The following PCCA variants were observed in gnomAD, a reference collection of about 807,000 sequenced individuals.
PCCA encodes propionyl-CoA carboxylase alpha chain, mitochondrial.
A neutral mutation model predicts 101.3 loss-of-function variants in PCCA; 74 were observed. The observed-to-expected ratio is 0.73, with a 90% CI of 0.61 to 0.89. The LOEUF is 0.89. Among genes scored for constraint, PCCA ranks in the 40% least tolerant of loss-of-function variants. The pLI is 0.00. For synonymous variants in PCCA, 294 were observed against 313.6 expected, an observed-to-expected ratio of 0.94 and a Z score of 0.66; for missense variants, 891 against 907.0, an observed-to-expected ratio of 0.98 and a Z score of 0.23.
intron 20 of PCCA, among the ~76,000 whole-genome samples, chr13:100,435,930 C>T (rs1356562467): frequency 6.6e-6 from 1 of 152,026 alleles, no homozygotes; most frequent in Non-Finnish European, 1.5e-5. Flanking sequence ...GTAATCCCAT[C>T]TACTTGGGAG....
chr13:100,487,640 C>T (rs552581804), intron 21 of PCCA, among the ~76,000 whole-genome samples: 1 of 152,290 alleles, frequency 6.6e-6, no homozygotes, highest in South Asian at 2.1e-4. Flanking sequence ...ACCACTGAGT[C>T]CTTGTTTTCT....
At chr13:100,249,279 A>G (rs1202357892) in intron 8 of PCCA, among the ~76,000 whole-genome samples, 5 of 152,222 alleles carry the variant, frequency 3.3e-5, no homozygotes, top group South Asian at 4.1e-4. Context: ...TGTGAAAGGT[A>G]TAAGGATTGT....
At chr13:100,107,595 T>G (rs539796399) in intron 2 of PCCA, among the ~76,000 whole-genome samples, 7 of 152,218 alleles carry the variant, frequency 4.6e-5, no homozygotes, top group Admixed American at 1.3e-4. Context: ...ATACTCTGAT[T>G]ACATTATATC....
At chr13:100,495,499 T>C (rs1415087531) in intron 21 of PCCA, among the ~76,000 whole-genome samples, 1 of 152,216 alleles carries the variant, frequency 6.6e-6, no homozygotes, top group Non-Finnish European at 1.5e-5. Flanking sequence ...TTTTTTTAAG[T>C]TTATAAAGCT....
chr13:100,301,008 T>A (rs1299551749), intron 12 of PCCA, among the ~76,000 whole-genome samples: 1 of 152,212 alleles, frequency 6.6e-6, no homozygotes, highest in Non-Finnish European at 1.5e-5. Context: ...CAGGACAGGT[T>A]AGTGAAAGCA....
chr13:100,423,777 C>T (rs1227145572), intron 19 of PCCA, among the ~76,000 whole-genome samples: 2 of 152,172 alleles, frequency 1.3e-5, no homozygotes, highest in East Asian at 3.9e-4. Flanking sequence ...TCTTCTATCC[C>T]CAGCTTCTGC....
chr13:100,153,106 A>G (rs1197227630), intron 4 of PCCA, among the ~76,000 whole-genome samples: 2 of 152,202 alleles, frequency 1.3e-5, no homozygotes, highest in Non-Finnish European at 2.9e-5. Context: ...AACTTTTTGT[A>G]CCTCAAAGAC....
chr13:100,273,847 G>C (rs1172854814), intron 12 of PCCA, among the ~76,000 whole-genome samples: 6 of 152,176 alleles, frequency 3.9e-5, no homozygotes, highest in Non-Finnish European at 8.8e-5. Context: ...GTTGGCTTTG[G>C]GGGACATAAC....
At chr13:100,317,421 T>G (rs2067489527) in intron 16 of PCCA, among the ~76,000 whole-genome samples, 1 of 152,172 alleles carries the variant, frequency 6.6e-6, no homozygotes, top group Non-Finnish European at 1.5e-5. Context: ...TCTGCCTGCT[T>G]TTCTGAACCT....
chr13:100,214,071 CTGTTCTAT>C (rs2059377634), intron 7 of PCCA, among the ~76,000 whole-genome samples: 1 of 152,062 alleles, frequency 6.6e-6, no homozygotes, highest in Admixed American at 6.6e-5. Flanking sequence ...GTTCTCTATT[CTGTTCTAT>C]TGGTCTATGC....
intron 21 of PCCA, among the ~76,000 whole-genome samples, chr13:100,469,785 A>C (rs545345128): frequency 3.7e-4 from 56 of 152,152 alleles, no homozygotes; most frequent in East Asian, 1.2e-3. Flanking sequence ...GTCTCAAAAA[A>C]AAACAAACAA....
At chr13:100,452,537 T>C (rs950380567) in intron 21 of PCCA, among the ~76,000 whole-genome samples, 8 of 152,204 alleles carry the variant, frequency 5.3e-5, no homozygotes, top group Admixed American at 2.0e-4. Context: ...TTCCTCACTT[T>C]CTTCCGGTCT....
intron 19 of PCCA, among the ~76,000 whole-genome samples, chr13:100,422,139 T>TC (rs1210302631): frequency 2.4e-4 from 32 of 134,690 alleles, no homozygotes; most frequent in African/African-American, 8.9e-4. Context: ...TTCTTTCTTT[T>TC]TTTTTTTTTT....
At chr13:100,326,316 G>A (rs1023736122) in intron 16 of PCCA, among the ~76,000 whole-genome samples, 1 of 152,154 alleles carries the variant, frequency 6.6e-6, no homozygotes, top group African/African-American at 2.4e-5. Context: ...ATGACTTGAT[G>A]TAGATAAATG....
At chr13:100,348,731 TCTTTCTTTC>T (rs1302919717) in intron 18 of PCCA, among the ~76,000 whole-genome samples, 2 of 77,248 alleles carry the variant, frequency 2.6e-5, no homozygotes, top group Non-Finnish European at 4.8e-5. Flanking sequence ...TTTTTTCCTT[TCTTTCTTTC>T]TTTCTTTCTT....
chr13:100,312,998 A>G (rs2067045031), intron 16 of PCCA, among the ~76,000 whole-genome samples: 2 of 152,212 alleles, frequency 1.3e-5, no homozygotes, highest in African/African-American at 2.4e-5. Flanking sequence ...TTTCAAATCT[A>G]TAGAAAAGAT....
intron 14 of PCCA, among the ~76,000 whole-genome samples, chr13:100,304,206 AT>A (rs2066285618): frequency 6.6e-6 from 1 of 152,226 alleles, no homozygotes. Flanking sequence ...GTTTTATGTA[AT>A]AACATTTGCA....
intron 8 of PCCA, among the ~76,000 whole-genome samples, chr13:100,239,679 C>G (rs2061003336): frequency 6.6e-6 from 1 of 151,976 alleles, no homozygotes; most frequent in Non-Finnish European, 1.5e-5. Context: ...TTTACTGGGC[C>G]AAAGGTCCTT....
chr13:100,300,495 T>C (rs1276523157), intron 12 of PCCA, among the ~76,000 whole-genome samples: 10 of 152,212 alleles, frequency 6.6e-5, no homozygotes, highest in Admixed American at 6.5e-4. Context: ...GTGTATGAAA[T>C]ATGACATGTC....
Sources: gnomAD v4.1 joint callset for allele counts (sites outside exome capture counted in the v4.1 genomes callset) on GRCh38, gnomAD v4.1.1 for gene constraint, MANE v1.5 for transcripts, NCBI Gene and HGNC (gene_info 2026-07-23, HGNC 2026-07-21) for gene names.